The following NRP2 variants were observed in gnomAD, a reference collection of about 807,000 sequenced individuals.
NRP2 encodes neuropilin-2.
A neutral mutation model predicts 110.4 loss-of-function variants in NRP2; 52 were observed. The observed-to-expected ratio is 0.47, with a 90% CI of 0.38 to 0.59. NRP2 has a LOEUF of 0.59. NRP2 is among the 20% of genes least tolerant of loss of function. The probability of loss-of-function intolerance (pLI) is 0.00; values close to 1 mark genes in which losing one functional copy is unlikely to be tolerated. For missense variants in NRP2, 1,049 were observed against 1,203.0 expected, an observed-to-expected ratio of 0.87 and a Z score of 1.89; for synonymous variants, 508 against 468.9, an observed-to-expected ratio of 1.08 and a Z score of -1.08.
chr2:205,733,125 T>A (rs1195690597), intron 7 of NRP2, among the ~76,000 whole-genome samples: 4 of 152,156 alleles, frequency 2.6e-5, no homozygotes, highest in Non-Finnish European at 5.9e-5. Flanking sequence ...TTGTCCCTTA[T>A]CCATTTGCCA....
chr2:205,743,604 G>A (rs766615666), intron 9 of NRP2, 52 bp downstream of exon 9: 9 of 1,600,728 alleles, frequency 5.6e-6, no homozygotes, highest in East Asian at 4.5e-5. Flanking sequence ...GGGAGGCTAA[G>A]TGTGGTACAG....
In NRP2 at chr2:205,787,593, G is replaced by A. The variant is rs564497058; in HGVS notation, c.2426-4642G>A. On this transcript the variant is annotated intron_variant, in intron 15 of 16. Transcript: ENST00000357785. ...AATATGCTCTGTGTAGACACAGAGCGAAGGCTGAGAATTTTCTGTAAGAAA... is the reference window on the plus strand; with the variant it reads ...AATATGCTCTGTGTAGACACAGAGCAAAGGCTGAGAATTTTCTGTAAGAAA... Among the ~76,000 whole-genome samples the A allele has an allele frequency of 2.6e-5, 4 of 152,240 alleles. No individual in the cohort carries two copies. The South Asian group carries it at 6.2e-4, about 24-fold the overall frequency.
At position 205,767,743 on chromosome 2, in the gene NRP2, G is replaced by A. The variant is rs769685533; in HGVS notation, c.2425+940G>A. The A allele has an allele frequency of 5.1e-5, 10 of 194,434 alleles. 1 individual carries two copies. Among genetic ancestry groups the A allele is most frequent in the South Asian group, 3.6e-4 (5 of 13,714 alleles). The allele number at this position is 194,434 out of a possible 1,614,324, so 12.0% of individuals were successfully genotyped here. A position where few individuals can be genotyped will look rare whatever the true frequency, so the allele number is the denominator to read the frequency against. ...AACATTTAGGAGCCACTCTAAATGC[G>A]TCACTGCAGTTGGCCTGAGTGTAAA... On this transcript the variant is annotated intron_variant, in intron 15 of 16. Coordinates refer to ENST00000357785, the MANE Select transcript of NRP2 (RefSeq NM_003872.3).
rs550224631 is a variant in NRP2, at chr2:205,744,859, C to T, written c.1642-887C>T. On this transcript the variant is annotated intron_variant, in intron 9 of 16. Coordinates refer to ENST00000357785, the MANE Select transcript of NRP2 (RefSeq NM_003872.3). The stretch of plus-strand genomic sequence containing the variant: ...TGCATCGATGGAGCAGAAGTTGGAC[C>T]GCAGGCTTCCCCATGGAGAGCTGAG... 1.3e-4 allele frequency among the ~76,000 whole-genome samples: 20 copies of T among 152,276 alleles called. No individual in the cohort carries two copies. In the East Asian group the frequency reaches 2.1e-3, roughly 16 times the overall value.
intron 7 of NRP2, among the ~76,000 whole-genome samples, chr2:205,734,771 G>A (rs1225583021): frequency 2.0e-5 from 3 of 152,272 alleles, no homozygotes; most frequent in African/African-American, 4.8e-5. Context: ...ACATTTATTA[G>A]TGGAGAGAAA....
intron 3 of NRP2, among the ~76,000 whole-genome samples, chr2:205,721,878 G>T (rs775100534): frequency 2.0e-5 from 3 of 152,144 alleles, no homozygotes; most frequent in African/African-American, 7.2e-5. Flanking sequence ...AGAGCAGCTC[G>T]TTTTAATATA....
At chr2:205,777,259 C>T (rs1481231929) in intron 15 of NRP2, 1 of 536,380 alleles carries the variant, frequency 1.9e-6, no homozygotes, top group Non-Finnish European at 2.4e-6. Flanking sequence ...CTATCCCCAA[C>T]CCACCTGACC....
At chr2:205,766,042 C>T (rs1473688094) in intron 14 of NRP2, among the ~76,000 whole-genome samples, 1 of 152,226 alleles carries the variant, frequency 6.6e-6, no homozygotes, top group Non-Finnish European at 1.5e-5. Flanking sequence ...CAAACTGTGG[C>T]ATTTGAAGTA....
intron 2 of NRP2, among the ~76,000 whole-genome samples, chr2:205,713,422 G>T (rs969018487): frequency 1.3e-5 from 2 of 152,214 alleles, no homozygotes; most frequent in African/African-American, 4.8e-5. Context: ...TGATGATGGT[G>T]ATGATGATGA....
chr2:205,784,001 G>GACACACACACACACACACAC (rs56303275), intron 15 of NRP2, among the ~76,000 whole-genome samples: 2,831 of 148,722 alleles, frequency 0.019, 91 homozygotes, highest in African/African-American at 0.064. Context: ...ATCTCTCTCT[G>GACACACACACACACACACAC]ACACACACAC....
chr2:205,783,722 G>T (rs1048498003), intron 15 of NRP2, among the ~76,000 whole-genome samples: 1 of 152,224 alleles, frequency 6.6e-6, no homozygotes, highest in African/African-American at 2.4e-5. Context: ...AAGGAATGGC[G>T]GGTGGAGGAG....
chr2:205,750,940 C>T (rs1407208359), intron 11 of NRP2, among the ~76,000 whole-genome samples: 1 of 152,132 alleles, frequency 6.6e-6, no homozygotes, highest in Non-Finnish European at 1.5e-5. Flanking sequence ...ACTGAAAAAG[C>T]AATAATTTAA....
At position 205,743,472 on chromosome 2, in the gene NRP2, G is replaced by C; in HGVS notation, c.1561G>C (p.Val521Leu). The C allele has an allele frequency of 6.2e-7, 1 of 1,614,242 alleles. No homozygotes were observed. The highest frequency in any genetic ancestry group is 8.5e-7 in the Non-Finnish European group (1 of 1,180,052). ...CACTGCTGTGGAAGCCAGAGCATTT[G>C]TGCGCAAGTTCAAAGTCTCCTACAG... is the stretch of plus-strand genomic sequence containing the variant. ...SITAVEARAF[V>L]RKFKVSYSLN... Residue 521 changes from valine (V) to leucine (L), a missense_variant, in exon 9 of 17, where the codon GTG (valine) becomes CTG (leucine). By Grantham distance (32) the Val-to-Leu change is conservative. Transcript: ENST00000357785.
chr2:205,797,925 G>C lies in NRP2; in HGVS notation c.*2867G>C, dbSNP rs1215796357. On this transcript the variant is annotated 3_prime_UTR_variant, in exon 17 of 17. Coordinates refer to ENST00000357785, the MANE Select transcript of NRP2 (RefSeq NM_003872.3). ...GAATGACAAGAAAACAAGGGAAAGA[G>C]TTAACCTGTCACATAGCAGGTTAAC... is the stretch of plus-strand genomic sequence containing the variant. The C allele has an allele frequency of 6.6e-6, 1 of 152,636 alleles. No individual in the cohort carries two copies. The highest frequency in any genetic ancestry group is 2.4e-5 in the African/African-American group (1 of 41,442). The allele number at this position is 152,636 out of a possible 1,614,324, so 9.5% of individuals were successfully genotyped here.
At chr2:205,753,655 A>C (rs573461273) in intron 12 of NRP2, among the ~76,000 whole-genome samples, 2 of 152,372 alleles carry the variant, frequency 1.3e-5, no homozygotes, top group East Asian at 3.9e-4. Context: ...GTTGTCTGCT[A>C]TCTCTGCTGT....
chr2:205,758,465 T>C (rs1030247847), intron 12 of NRP2, among the ~76,000 whole-genome samples: 1 of 152,194 alleles, frequency 6.6e-6, no homozygotes, highest in Non-Finnish European at 1.5e-5. Context: ...CTTAAGCAGC[T>C]GAAGCCAGAT....
chr2:205,778,106 C>A (rs752052313), intron 15 of NRP2: 2 of 152,102 alleles, frequency 1.3e-5, no homozygotes, highest in Non-Finnish European at 2.9e-5. Context: ...GCCTCGGGAG[C>A]ATTTATTTTT....
In NRP2 at chr2:205,795,276, T is replaced by C; in HGVS notation, c.*218T>C. ...TCCTAGGACCGCGGTGGCTAAGTCA[T>C]TGCAGGAACGGGGCTGTGTTCTCTG... On this transcript the variant is annotated 3_prime_UTR_variant, in exon 17 of 17. Transcript: ENST00000357785. 1.8e-6 allele frequency: 1 copy of C among 562,884 alleles called. No homozygotes were observed. The highest frequency in any genetic ancestry group is 1.9e-5 in the South Asian group (1 of 52,328). 34.9% of individuals were successfully genotyped at this position (562,884 alleles called of 1,614,324 possible).
chr2:205,756,123 T>G (rs2057731223), intron 12 of NRP2, among the ~76,000 whole-genome samples: 1 of 152,186 alleles, frequency 6.6e-6, no homozygotes, highest in South Asian at 2.1e-4. Flanking sequence ...TGTTTTTGTT[T>G]TTCAAGATAG....
Sources: allele counts gnomAD v4.1 joint callset (sites outside exome capture counted in the v4.1 genomes callset), GRCh38; gene constraint gnomAD v4.1.1; transcripts MANE v1.5; gene names NCBI Gene and HGNC (gene_info 2026-07-23, HGNC 2026-07-21).